Variants in AGMO observed in about 807,000 individuals in gnomAD.
AGMO encodes the protein glyceryl-ether monooxygenase.
Under a neutral mutation model 60.2 loss-of-function variants are expected in AGMO, and 75 were observed. The observed-to-expected ratio is 1.25, with a 90% CI of 1.03 to 1.51. The LOEUF (loss-of-function observed/expected upper bound fraction) is 1.51. Ranked by LOEUF, AGMO falls within the 40% of genes most tolerant of loss-of-function variation. The pLI is 0.00. For missense variants in AGMO, 763 were observed against 525.5 expected (o/e 1.45, Z -4.42); for synonymous variants, 261 against 177.1 (o/e 1.47, Z -3.76).
At chr7:15,167,778 T>A in the AGMO span, among the ~76,000 whole-genome samples, 2 of 152,230 alleles carry the variant, frequency 1.3e-5, no homozygotes, top group African/African-American at 4.8e-5. Context: ...AATAAACATT[T>A]AAAATTCCAA....
chr7:15,177,786 A>ACT, the AGMO span, among the ~76,000 whole-genome samples: 1 of 151,862 alleles, frequency 6.6e-6, no homozygotes, highest in African/African-American at 2.4e-5. Flanking sequence ...AAAAATATAT[A>ACT]CTCTCCCTTC....
intron 3 of AGMO, among the ~76,000 whole-genome samples, chr7:15,538,422 G>A (rs548717837): frequency 1.3e-5 from 2 of 152,136 alleles, no homozygotes; most frequent in Non-Finnish European, 2.9e-5. Flanking sequence ...TTGTAAAGAC[G>A]AAGTCTCTCC....
chr7:15,199,741 A>C (rs1781226149), downstream of AGMO, among the ~76,000 whole-genome samples: 1 of 152,200 alleles, frequency 6.6e-6, no homozygotes, highest in African/African-American at 2.4e-5. Context: ...GGACAAAAGC[A>C]GGATTCAATA....
At chr7:15,504,041 A>G (rs951549643) in intron 3 of AGMO, among the ~76,000 whole-genome samples, 1 of 152,014 alleles carries the variant, frequency 6.6e-6, no homozygotes, top group Non-Finnish European at 1.5e-5. Flanking sequence ...CAGTTTATGT[A>G]AAAGCCCTCT....
At chr7:15,228,023 G>T (rs1027852443) in intron 12 of AGMO, among the ~76,000 whole-genome samples, 8 of 151,992 alleles carry the variant, frequency 5.3e-5, no homozygotes, top group African/African-American at 1.9e-4. Flanking sequence ...AACTTCTACT[G>T]GGACAGGGTG....
At chr7:15,374,444 T>A (rs1783363396) in intron 10 of AGMO, among the ~76,000 whole-genome samples, 1 of 152,044 alleles carries the variant, frequency 6.6e-6, no homozygotes, top group Non-Finnish European at 1.5e-5. Flanking sequence ...CAAAAAATTG[T>A]AAGAAATAAA....
Position 15,385,556 on chromosome 7 carries a change from C to T in AGMO, c.964G>A (p.Gly322Ser), listed in dbSNP as rs201562437. 30 of 1,593,640 alleles carry T rather than the reference C, an allele frequency of 1.9e-5. No individual in the cohort carries two copies. The highest frequency in any genetic ancestry group is 1.2e-4 in the Admixed American group (7 of 59,854). The change falls in exon 10 of 13, where the codon GGC (glycine) becomes AGC (serine). Residue 322 changes from glycine (G) to serine (S), a missense_variant. Gly to Ser is a moderately conservative substitution (Grantham distance 56). Coordinates refer to ENST00000342526, the MANE Select transcript of AGMO (RefSeq NM_001004320.2). The part of the protein sequence containing the change: ...GLSEEIPEVT[G>S]KEVPFSSSSS... ...GATGATGAGAAGGGAACTTCTTTGC[C>T]GGTGACCTAGGGAGACAAGAACCAT...
intron 2 of AGMO, among the ~76,000 whole-genome samples, chr7:15,555,216 A>G (rs1785094605): frequency 1.3e-5 from 2 of 150,302 alleles, no homozygotes; most frequent in Non-Finnish European, 3.0e-5. Flanking sequence ...AAAAAAGATT[A>G]TTACAAATAT....
At chr7:15,271,650 C>G (rs997029168) in intron 12 of AGMO, among the ~76,000 whole-genome samples, 1 of 152,034 alleles carries the variant, frequency 6.6e-6, no homozygotes, top group Non-Finnish European at 1.5e-5. Context: ...AATTTGGATG[C>G]CTTTTATTTC....
chr7:15,196,696 T>C (rs951787633), downstream of AGMO, among the ~76,000 whole-genome samples: 1 of 152,224 alleles, frequency 6.6e-6, no homozygotes, highest in Non-Finnish European at 1.5e-5. Context: ...GTAATCCTGA[T>C]GCATAAAGCA....
intron 3 of AGMO, among the ~76,000 whole-genome samples, chr7:15,523,850 C>A (rs1295492037): frequency 6.6e-6 from 1 of 151,864 alleles, no homozygotes; most frequent in East Asian, 1.9e-4. Context: ...AAAAAAGACA[C>A]CCAGGAAGAA....
At chr7:15,348,087 C>T (rs897613712) in intron 12 of AGMO, among the ~76,000 whole-genome samples, 2 of 151,870 alleles carry the variant, frequency 1.3e-5, no homozygotes, top group African/African-American at 4.8e-5. Flanking sequence ...CATGTTATTG[C>T]CCCTTTATAT....
At chr7:15,278,130 G>T (rs561976561) in intron 12 of AGMO, among the ~76,000 whole-genome samples, 5 of 152,326 alleles carry the variant, frequency 3.3e-5, no homozygotes, top group African/African-American at 1.2e-4. Context: ...CTGTCCCACA[G>T]CTCTACACAG....
At chr7:15,246,381 A>C (rs921460389) in intron 12 of AGMO, among the ~76,000 whole-genome samples, 3 of 152,208 alleles carry the variant, frequency 2.0e-5, no homozygotes, top group Admixed American at 6.5e-5. Flanking sequence ...TTGGAGAAAC[A>C]ACTACTGATA....
At chr7:15,317,827 G>A (rs1025165457) in intron 12 of AGMO, among the ~76,000 whole-genome samples, 2 of 145,634 alleles carry the variant, frequency 1.4e-5, no homozygotes, top group Non-Finnish European at 3.0e-5. Context: ...GATATTGAAA[G>A]GTTTATATTT....
chr7:15,498,940 A>C (rs1456014359), intron 3 of AGMO, among the ~76,000 whole-genome samples: 1 of 151,822 alleles, frequency 6.6e-6, no homozygotes, highest in Admixed American at 6.6e-5. Context: ...CTGAGATAAA[A>C]ATTATTTCAT....
intron 12 of AGMO, among the ~76,000 whole-genome samples, chr7:15,288,065 C>G (rs1468085617): frequency 6.6e-6 from 1 of 151,676 alleles, no homozygotes. Flanking sequence ...GCTCTGTAGC[C>G]CAGGCTGGAG....
chr7:15,438,568 G>A (rs948645546), intron 3 of AGMO, among the ~76,000 whole-genome samples: 4 of 152,162 alleles, frequency 2.6e-5, no homozygotes, highest in Admixed American at 6.5e-5. Flanking sequence ...GATGCACTGT[G>A]AGTGATAATA....
intron 3 of AGMO, among the ~76,000 whole-genome samples, chr7:15,432,322 A>G (rs1026856484): frequency 7.4e-6 from 1 of 134,806 alleles, no homozygotes; most frequent in Non-Finnish European, 1.6e-5. Context: ...ATGTGTGTGT[A>G]TATATGTATA....
Sources: gnomAD v4.1 joint callset for allele counts (sites outside exome capture counted in the v4.1 genomes callset) on GRCh38, gnomAD v4.1.1 for gene constraint, MANE v1.5 for transcripts, NCBI Gene and HGNC (gene_info 2026-07-23, HGNC 2026-07-21) for gene names.